Variants in LHFPL6 observed in about 807,000 individuals in gnomAD.
The protein encoded by LHFPL6 is LHFPL tetraspan subfamily member 6, also known as LHFPL tetraspan subfamily member 6 protein.
Under a neutral mutation model 20.6 loss-of-function variants are expected in LHFPL6, and 9 were observed. That is an observed-to-expected ratio of 0.44 (90% CI 0.26 to 0.76). The LOEUF (loss-of-function observed/expected upper bound fraction) is 0.76, where lower values mean the gene tolerates loss of function less well. Ranked by LOEUF, LHFPL6 falls within the 30% of genes least tolerant of loss-of-function variation. The pLI, the probability that LHFPL6 is intolerant of heterozygous loss-of-function variation, is 0.20. For missense variants in LHFPL6, 218 were observed against 253.5 expected (o/e 0.86, Z 0.95); for synonymous variants, 105 against 98.7 (o/e 1.06, Z -0.38).
In LHFPL6 at chr13:39,522,986, C is replaced by T. The variant is rs182524399; in HGVS notation, c.385+77846G>A. ...TACCATATGAGTAGGTATCTGAAAT[C>T]AGCAATATTCAAATGTAAGATGAGG... is the stretch of plus-strand genomic sequence containing the variant. On this transcript the variant is annotated intron_variant, in intron 2 of 3. Coordinates refer to ENST00000379589, the MANE Select transcript of LHFPL6 (RefSeq NM_005780.3). Among the ~76,000 whole-genome samples, 927 of 152,218 alleles carry T rather than the reference C, an allele frequency of 6.1e-3. 6 individuals are homozygous for T. Among genetic ancestry groups the T allele is most frequent in the Non-Finnish European group, 8.8e-3 (596 of 68,018 alleles).
At chr13:39,392,442 A>T (rs921914894) in intron 2 of LHFPL6, among the ~76,000 whole-genome samples, 6 of 152,232 alleles carry the variant, frequency 3.9e-5, no homozygotes, top group Admixed American at 2.6e-4. Flanking sequence ...TAAAAATACA[A>T]AATTAGCAGG....
At chr13:39,496,720 G>T (rs1869112896) in intron 2 of LHFPL6, among the ~76,000 whole-genome samples, 1 of 152,216 alleles carries the variant, frequency 6.6e-6, no homozygotes, top group African/African-American at 2.4e-5. Context: ...CAGGAAATCT[G>T]TTATTAGTGA....
At chr13:39,489,484 T>C (rs1868839084) in intron 2 of LHFPL6, among the ~76,000 whole-genome samples, 1 of 151,956 alleles carries the variant, frequency 6.6e-6, no homozygotes, top group Admixed American at 6.6e-5. Flanking sequence ...AATAATATGA[T>C]TCCATGGCTT....
chr13:39,558,703 A>G (rs1444351137), intron 2 of LHFPL6, among the ~76,000 whole-genome samples: 2 of 152,186 alleles, frequency 1.3e-5, no homozygotes, highest in Non-Finnish European at 2.9e-5. Flanking sequence ...TCTGACAATG[A>G]CTTTGGGAAG....
intron 2 of LHFPL6, among the ~76,000 whole-genome samples, chr13:39,503,135 C>T (rs1237406983): frequency 6.6e-6 from 1 of 152,306 alleles, no homozygotes; most frequent in Non-Finnish European, 1.5e-5. Context: ...AAGCTGCACT[C>T]AGAACAGCCA....
intron 3 of LHFPL6, among the ~76,000 whole-genome samples, chr13:39,345,572 T>G (rs1209245142): frequency 1.4e-5 from 2 of 140,200 alleles, no homozygotes; most frequent in African/African-American, 5.3e-5. Context: ...TTTTCACAAG[T>G]CAGTCTGCAG....
At chr13:39,490,220 G>A (rs979323352) in intron 2 of LHFPL6, among the ~76,000 whole-genome samples, 7 of 152,132 alleles carry the variant, frequency 4.6e-5, no homozygotes, top group Non-Finnish European at 7.3e-5. Flanking sequence ...ACGGAATTCC[G>A]AAACACAAGA....
At chr13:39,357,429 A>C (rs1172690046) in intron 3 of LHFPL6, among the ~76,000 whole-genome samples, 1 of 152,206 alleles carries the variant, frequency 6.6e-6, no homozygotes, top group Non-Finnish European at 1.5e-5. Context: ...TCCCCTTGAG[A>C]ACTGGAACAA....
intron 2 of LHFPL6, among the ~76,000 whole-genome samples, chr13:39,459,921 T>C (rs540164783): frequency 1.3e-5 from 2 of 152,314 alleles, no homozygotes; most frequent in South Asian, 4.1e-4. Flanking sequence ...CTAACTGGTG[T>C]TGACATATTA....
intron 3 of LHFPL6, 98 bp from the exon 4 acceptor site, chr13:39,344,152 T>G (rs962745810): frequency 1.2e-6 from 1 of 847,848 alleles, no homozygotes; most frequent in African/African-American, 1.7e-5. Context: ...TGAAACACCC[T>G]TTAGGAATAT....
At chr13:39,589,654 C>G (rs904942436) in intron 2 of LHFPL6, among the ~76,000 whole-genome samples, 4 of 151,952 alleles carry the variant, frequency 2.6e-5, no homozygotes, top group African/African-American at 7.3e-5. Context: ...AGACACAAAG[C>G]CTTTGGTTTT....
chr13:39,558,250 C>T (rs935968542), intron 2 of LHFPL6, among the ~76,000 whole-genome samples: 1 of 152,146 alleles, frequency 6.6e-6, no homozygotes, highest in African/African-American at 2.4e-5. Context: ...GACAGGTCAC[C>T]TAACCTCCAA....
At chr13:39,588,252 T>C (rs1872509904) in intron 2 of LHFPL6, among the ~76,000 whole-genome samples, 1 of 152,216 alleles carries the variant, frequency 6.6e-6, no homozygotes, top group Admixed American at 6.5e-5. Context: ...TCTATAAGAC[T>C]GTGAGCTCAG....
chr13:39,509,131 AT>A (rs1389735155), intron 2 of LHFPL6, among the ~76,000 whole-genome samples: 11 of 152,338 alleles, frequency 7.2e-5, no homozygotes, highest in Non-Finnish European at 1.5e-4. Context: ...GTTATTTGCC[AT>A]CCATGAAACG....
chr13:39,535,560 G>A (rs1011282574), intron 2 of LHFPL6, among the ~76,000 whole-genome samples: 1 of 152,180 alleles, frequency 6.6e-6, no homozygotes, highest in Non-Finnish European at 1.5e-5. Flanking sequence ...ATTTTTGTAG[G>A]AAATCAAGGT....
chr13:39,567,046 A>ATTTTTGTTTTTG (rs10694747), intron 2 of LHFPL6, among the ~76,000 whole-genome samples: 1 of 124,906 alleles, frequency 8.0e-6, no homozygotes, highest in East Asian at 2.6e-4. Flanking sequence ...TTTTTTTTTC[A>ATTTTTGTTTTTG]TTTTTGTTTT....
At chr13:39,387,476 G>A (rs978010701) in intron 2 of LHFPL6, among the ~76,000 whole-genome samples, 4 of 146,482 alleles carry the variant, frequency 2.7e-5, no homozygotes, top group Non-Finnish European at 5.9e-5. Context: ...GAACCGGGAG[G>A]CAGAGGTTGC....
intron 2 of LHFPL6, among the ~76,000 whole-genome samples, chr13:39,561,097 C>T (rs577851330): frequency 1.3e-5 from 2 of 152,020 alleles, no homozygotes; most frequent in South Asian, 2.1e-4. Context: ...AAGGCCTTTC[C>T]TACTTTTCTG....
At chr13:39,483,359 A>G (rs1868603020) in intron 2 of LHFPL6, among the ~76,000 whole-genome samples, 1 of 152,144 alleles carries the variant, frequency 6.6e-6, no homozygotes. Flanking sequence ...TAATATTGTA[A>G]CTTTGGAGCT....
Sources: allele counts gnomAD v4.1 joint callset (sites outside exome capture counted in the v4.1 genomes callset), GRCh38; gene constraint gnomAD v4.1.1; transcripts MANE v1.5; gene names NCBI Gene and HGNC (gene_info 2026-07-23, HGNC 2026-07-21).